Variants in RNF13 observed in about 807,000 individuals in gnomAD.
The protein encoded by RNF13 is E3 ubiquitin-protein ligase RNF13.
A neutral mutation model predicts 37.7 loss-of-function variants in RNF13; 19 were observed. That is an observed-to-expected ratio of 0.50 (90% CI 0.35 to 0.74). RNF13 has a LOEUF of 0.74. Among genes scored for constraint, RNF13 ranks in the 30% least tolerant of loss-of-function variants. RNF13 has a pLI of 0.01. For synonymous variants in RNF13, 144 were observed against 157.8 expected (o/e 0.91, Z 0.65); for missense variants, 375 against 453.0 (o/e 0.83, Z 1.56).
chr3:149,924,164 C>A (rs1248980288), intron 8 of RNF13, among the ~76,000 whole-genome samples: 1 of 151,912 alleles, frequency 6.6e-6, no homozygotes, highest in Non-Finnish European at 1.5e-5. Flanking sequence ...GTCTGAACAA[C>A]AAAATGGATG....
chr3:149,854,753 A>G (rs1576768459), intron 3 of RNF13, among the ~76,000 whole-genome samples: 2 of 152,116 alleles, frequency 1.3e-5, no homozygotes, highest in East Asian at 1.9e-4. Context: ...CTGCCATCCA[A>G]GCTAATCGAA....
intron 1 of RNF13, among the ~76,000 whole-genome samples, chr3:149,836,600 T>C (rs1721646558): frequency 6.6e-6 from 1 of 152,090 alleles, no homozygotes; most frequent in Non-Finnish European, 1.5e-5. Flanking sequence ...GCAGCCACTT[T>C]GGAAAATGGT....
chr3:149,871,533 G>C (rs765035498), intron 3 of RNF13, among the ~76,000 whole-genome samples: 2 of 151,124 alleles, frequency 1.3e-5, no homozygotes, highest in African/African-American at 2.4e-5. Flanking sequence ...TAGTTACCTT[G>C]TGGATATGCA....
intron 7 of RNF13, among the ~76,000 whole-genome samples, chr3:149,919,771 G>A (rs1399060135): frequency 1.3e-5 from 2 of 152,200 alleles, no homozygotes; most frequent in African/African-American, 4.8e-5. Context: ...GAGCAGGACA[G>A]TTGGGTCACA....
At chr3:149,845,797 T>G in intron 1 of RNF13, 74 of 395,040 alleles carry the variant, frequency 1.9e-4, no homozygotes, top group Non-Finnish European at 2.3e-4. Context: ...TTTGTCATCA[T>G]GAGTTACATA....
At chr3:149,882,629 C>T (rs1420918591) in intron 4 of RNF13, among the ~76,000 whole-genome samples, 1 of 152,090 alleles carries the variant, frequency 6.6e-6, no homozygotes, top group Non-Finnish European at 1.5e-5. Context: ...TACTCTGAAA[C>T]ATGAATTTTC....
In RNF13 at chr3:149,856,770, G is replaced by A. The variant is rs147810525; in HGVS notation, c.195+4174G>A. On this transcript the variant is annotated intron_variant, in intron 3 of 9. Transcript: ENST00000392894. The stretch of plus-strand genomic sequence containing the variant: ...AATATCTTACTTTTTTTATTGAGAC[G>A]GAGTCTCACTCTGTCGCCCAGGCTG... 3.1e-4 allele frequency among the ~76,000 whole-genome samples: 47 copies of A among 151,274 alleles called. 1 individual carries two copies. In the South Asian group the frequency reaches 8.4e-3, roughly 27 times the overall value.
At chr3:149,856,582 T>C (rs1310464890) in intron 3 of RNF13, among the ~76,000 whole-genome samples, 2 of 151,676 alleles carry the variant, frequency 1.3e-5, no homozygotes, top group African/African-American at 4.8e-5. Context: ...TAGCTAGTAC[T>C]ATGGGAGTGT....
At chr3:149,958,894 G>C (rs1051940746) in intron 8 of RNF13, among the ~76,000 whole-genome samples, 1 of 152,138 alleles carries the variant, frequency 6.6e-6, no homozygotes, top group African/African-American at 2.4e-5. Context: ...ACAAAACTTA[G>C]TAATTTTCAT....
intron 1 of RNF13, among the ~76,000 whole-genome samples, chr3:149,826,027 C>T (rs931896467): frequency 5.3e-5 from 8 of 152,118 alleles, no homozygotes; most frequent in African/African-American, 1.9e-4. Context: ...TTTTGTTTAA[C>T]TTACTGAATA....
At chr3:149,917,462 T>A (rs1351606996) in intron 7 of RNF13, 1 of 152,230 alleles carries the variant, frequency 6.6e-6, no homozygotes, top group Non-Finnish European at 1.5e-5. Flanking sequence ...AAAGTTCTGT[T>A]TCTGTCTCCA....
intron 1 of RNF13, among the ~76,000 whole-genome samples, chr3:149,815,738 A>G (rs113123651): frequency 2.6e-5 from 4 of 152,232 alleles, no homozygotes; most frequent in African/African-American, 7.2e-5. Flanking sequence ...ACAACACAGC[A>G]TATGATTGGT....
At chr3:149,838,506 G>T (rs528540058) in intron 1 of RNF13, among the ~76,000 whole-genome samples, 53 of 152,332 alleles carry the variant, frequency 3.5e-4, no homozygotes, top group Non-Finnish European at 6.5e-4. Context: ...TGACTTCTGT[G>T]CACCTGCAGG....
intron 8 of RNF13, 101 bp from the exon 9 acceptor site, chr3:149,959,955 G>A: frequency 1.4e-6 from 1 of 705,804 alleles, no homozygotes; most frequent in Non-Finnish European, 2.5e-6. Flanking sequence ...GATGCAAAAG[G>A]CATCATTCAA....
chr3:149,903,143 G>A (rs147918855), intron 6 of RNF13, among the ~76,000 whole-genome samples: 1 of 152,152 alleles, frequency 6.6e-6, no homozygotes, highest in African/African-American at 2.4e-5. Context: ...TTAAAATACT[G>A]TTCACATATT....
chr3:149,844,748 A>ATG (rs1559901983), intron 1 of RNF13, among the ~76,000 whole-genome samples: 113 of 152,324 alleles, frequency 7.4e-4, no homozygotes, highest in African/African-American at 2.5e-3. Flanking sequence ...ATGTCAACAA[A>ATG]TCTAGACATT....
intron 6 of RNF13, among the ~76,000 whole-genome samples, chr3:149,907,784 A>G (rs1559942909): frequency 6.6e-6 from 1 of 152,244 alleles, no homozygotes; most frequent in African/African-American, 2.4e-5. Context: ...CTTACCTTCC[A>G]ATTCTTGTCT....
intron 1 of RNF13, among the ~76,000 whole-genome samples, chr3:149,816,949 A>G (rs2108304193): frequency 6.6e-6 from 1 of 152,316 alleles, no homozygotes; most frequent in East Asian, 1.9e-4. Context: ...GTATAGGCCT[A>G]GGACAAATTT....
At chr3:149,868,296 G>A (rs908987901) in intron 3 of RNF13, among the ~76,000 whole-genome samples, 1 of 151,558 alleles carries the variant, frequency 6.6e-6, no homozygotes, top group Admixed American at 6.6e-5. Flanking sequence ...GTACCAGTGC[G>A]TTTTAGACCT....
Sources: gnomAD v4.1 joint callset for allele counts (sites outside exome capture counted in the v4.1 genomes callset) on GRCh38, gnomAD v4.1.1 for gene constraint, MANE v1.5 for transcripts, NCBI Gene and HGNC (gene_info 2026-07-23, HGNC 2026-07-21) for gene names.